The following PRKAR1B variants were observed in gnomAD, a reference collection of about 807,000 sequenced individuals.
PRKAR1B encodes protein kinase cAMP-dependent type I regulatory subunit beta, also known as cAMP-dependent protein kinase type I-beta regulatory subunit.
A neutral mutation model predicts 46.5 loss-of-function variants in PRKAR1B; 22 were observed. That is an observed-to-expected ratio of 0.47 (90% CI 0.34 to 0.68). The LOEUF is 0.68. PRKAR1B is among the 30% of genes least tolerant of loss of function. The pLI, the probability that PRKAR1B is intolerant of heterozygous loss-of-function variation, is 0.01. For synonymous variants in PRKAR1B, 259 were observed against 217.7 expected (o/e 1.19, Z -1.67); for missense variants, 445 against 535.6 (o/e 0.83, Z 1.67).
intron 4 of PRKAR1B, among the ~76,000 whole-genome samples, chr7:619,830 TTC>T (rs1220773593): frequency 6.6e-6 from 1 of 151,830 alleles, no homozygotes; most frequent in African/African-American, 2.4e-5. Context: ...TCCTTTTTCT[TTC>T]TGTTGTTTTG....
intron 4 of PRKAR1B, among the ~76,000 whole-genome samples, chr7:629,108 C>T (rs944440394): frequency 2.0e-5 from 3 of 152,276 alleles, no homozygotes; most frequent in South Asian, 4.1e-4. Context: ...ATTCCCAAGC[C>T]TGGCTGCCTT....
chr7:584,593 G>GA (rs1780492573), intron 7 of PRKAR1B, 25 bp from the exon 8 acceptor site: 1 of 1,598,650 alleles, frequency 6.3e-7, no homozygotes, highest in East Asian at 2.2e-5. Context: ...GTAAAAAACA[G>GA]ACAAGAAGGT....
At chr7:677,159 G>A (rs906132796) in intron 4 of PRKAR1B, 70 bp downstream of exon 4, 68 of 1,477,922 alleles carry the variant, frequency 4.6e-5, no homozygotes, top group Middle Eastern at 1.7e-4. Context: ...GGCAAGTGGC[G>A]GGACCTGCCC....
At chr7:663,305 C>T (rs991274887) in intron 4 of PRKAR1B, among the ~76,000 whole-genome samples, 4 of 152,110 alleles carry the variant, frequency 2.6e-5, no homozygotes, top group Admixed American at 6.5e-5. Context: ...CACAGCTCAC[C>T]GTAGCTTCAA....
chr7:695,828 TA>T (rs1476198470), intron 2 of PRKAR1B, among the ~76,000 whole-genome samples: 1 of 151,962 alleles, frequency 6.6e-6, no homozygotes, highest in Non-Finnish European at 1.5e-5. Flanking sequence ...CATGCCCGGC[TA>T]ATTTTTTTGT....
chr7:694,841 G>A (rs1483833304), intron 2 of PRKAR1B, among the ~76,000 whole-genome samples: 1 of 152,110 alleles, frequency 6.6e-6, no homozygotes, highest in African/African-American at 2.4e-5. Flanking sequence ...TTCGAGACCA[G>A]CCTGGCCAAA....
At chr7:718,285 CACACACACACAT>C (rs1265659645) in intron 1 of PRKAR1B, among the ~76,000 whole-genome samples, 34 of 141,154 alleles carry the variant, frequency 2.4e-4, no homozygotes, top group Non-Finnish European at 4.7e-4. Flanking sequence ...CACACACACA[CACACACACACAT>C]ACACATATAT....
At chr7:722,744 G>A (rs1380322164) in intron 1 of PRKAR1B, among the ~76,000 whole-genome samples, 4 of 152,200 alleles carry the variant, frequency 2.6e-5, no homozygotes, top group Admixed American at 1.3e-4. Flanking sequence ...ATTTACATCC[G>A]TTACCTTACC....
intron 9 of PRKAR1B, among the ~76,000 whole-genome samples, chr7:555,729 T>G (rs1778385756): frequency 6.6e-6 from 1 of 152,198 alleles, no homozygotes; most frequent in Non-Finnish European, 1.5e-5. Context: ...GTTGAGCAAC[T>G]TGGCCAAGGC....
chr7:673,061 A>AC (rs1786360862), intron 4 of PRKAR1B, among the ~76,000 whole-genome samples: 1 of 135,060 alleles, frequency 7.4e-6, no homozygotes. Context: ...AAAAAAAAAA[A>AC]AAAAAAAAAA....
intron 4 of PRKAR1B, among the ~76,000 whole-genome samples, chr7:651,129 A>C (rs563887870): frequency 6.6e-6 from 1 of 152,138 alleles, no homozygotes; most frequent in Non-Finnish European, 1.5e-5. Flanking sequence ...GCAGGTGCCA[A>C]ATCTACTCTG....
intron 4 of PRKAR1B, among the ~76,000 whole-genome samples, chr7:639,671 G>A (rs997761840): frequency 2.6e-5 from 4 of 151,948 alleles, no homozygotes; most frequent in African/African-American, 7.3e-5. Flanking sequence ...GCAACAGAGT[G>A]GGACCCCATC....
intron 1 of PRKAR1B, chr7:712,488 G>C (rs1780705685): frequency 6.8e-6 from 1 of 147,146 alleles, no homozygotes; most frequent in African/African-American, 2.5e-5. Context: ...GCGAGCGAGC[G>C]AGCGGGTCCC....
At chr7:643,219 A>G (rs943186940) in intron 4 of PRKAR1B, among the ~76,000 whole-genome samples, 2 of 151,600 alleles carry the variant, frequency 1.3e-5, no homozygotes, top group African/African-American at 4.9e-5. Flanking sequence ...TTCAAACTGC[A>G]TTGGCATGAC....
At chr7:717,440 T>C (rs1249327706) in intron 1 of PRKAR1B, among the ~76,000 whole-genome samples, 1 of 152,066 alleles carries the variant, frequency 6.6e-6, no homozygotes, top group Non-Finnish European at 1.5e-5. Context: ...GAGGATCACT[T>C]GAGTCCAGGA....
intron 8 of PRKAR1B, among the ~76,000 whole-genome samples, chr7:583,434 CCACAGTGCACACTCACACCCACTCA>C (rs1780339482): frequency 6.9e-5 from 10 of 145,188 alleles, no homozygotes; most frequent in African/African-American, 2.4e-4. Context: ...ACGCACACAC[CCACAGTGCACACTCACACCCACTCA>C]CACACGTGCA....
intron 8 of PRKAR1B, among the ~76,000 whole-genome samples, chr7:579,873 G>A (rs1439556420): frequency 1.3e-5 from 2 of 152,278 alleles, no homozygotes; most frequent in South Asian, 2.1e-4. Context: ...GAGGCAGGAG[G>A]ATCGCTTGAG....
chr7:588,595 C>CGGTGGTGAT (rs1166410850), intron 7 of PRKAR1B, among the ~76,000 whole-genome samples: 3 of 24,044 alleles, frequency 1.2e-4, no homozygotes, highest in African/African-American at 3.5e-4. Flanking sequence ...GTGGTGATGA[C>CGGTGGTGAT]GGTGGTGATG....
intron 3 of PRKAR1B, among the ~76,000 whole-genome samples, chr7:678,086 C>T (rs1201590936): frequency 6.6e-6 from 1 of 152,166 alleles, no homozygotes. Flanking sequence ...GCCTGCCCAA[C>T]ATGGTGAAAC....
Sources: gnomAD v4.1 joint callset for allele counts (sites outside exome capture counted in the v4.1 genomes callset) on GRCh38, gnomAD v4.1.1 for gene constraint, MANE v1.5 for transcripts, NCBI Gene and HGNC (gene_info 2026-07-23, HGNC 2026-07-21) for gene names.